The following SGCZ variants were observed in gnomAD, a reference collection of about 807,000 sequenced individuals.
SGCZ encodes sarcoglycan zeta, also known as zeta-sarcoglycan.
Under a neutral mutation model 41.3 loss-of-function variants are expected in SGCZ, and 40 were observed. That is an observed-to-expected ratio of 0.97 (90% CI 0.75 to 1.26). SGCZ has a LOEUF of 1.26. Ranked by LOEUF, SGCZ falls within the 50% of genes most tolerant of loss-of-function variation. The pLI, the probability that SGCZ is intolerant of heterozygous loss-of-function variation, is 0.00. For missense variants in SGCZ, 552 were observed against 369.8 expected (o/e 1.49, Z -4.04); for synonymous variants, 206 against 137.5 (o/e 1.50, Z -3.49).
At chr8:14,963,917 T>C (rs1429267865) in intron 1 of SGCZ, among the ~76,000 whole-genome samples, 1 of 152,210 alleles carries the variant, frequency 6.6e-6, no homozygotes, top group African/African-American at 2.4e-5. Flanking sequence ...ATGATTTTTT[T>C]ATCCCAGAAA....
intron 2 of SGCZ, among the ~76,000 whole-genome samples, chr8:14,366,507 G>T (rs1803712774): frequency 6.6e-6 from 1 of 151,944 alleles, no homozygotes; most frequent in Non-Finnish European, 1.5e-5. Flanking sequence ...TGGTGGGGGG[G>T]ACACAAAGTA....
At chr8:14,596,965 TG>T in intron 1 of SGCZ, among the ~76,000 whole-genome samples, 1 of 152,144 alleles carries the variant, frequency 6.6e-6, no homozygotes, top group African/African-American at 2.4e-5. Flanking sequence ...CATCAACCTT[TG>T]GGGAACCCTG....
In SGCZ at chr8:14,760,702, G is replaced by A. The variant is rs188668419; in HGVS notation, c.40-205776C>T. Reference sequence around the variant, plus strand: ...CCTATATTCTGTGAAAAGAACACTGGATAAATATCCTCTAAAAATACATAG... The same window carrying A: ...CCTATATTCTGTGAAAAGAACACTGAATAAATATCCTCTAAAAATACATAG... On this transcript the variant is annotated intron_variant, in intron 1 of 7. Coordinates refer to ENST00000382080, the MANE Select transcript of SGCZ (RefSeq NM_139167.4). Among the ~76,000 whole-genome samples, 4 of 152,200 alleles carry A rather than the reference G, an allele frequency of 2.6e-5. No individual in the cohort carries two copies. In the East Asian group the frequency reaches 7.7e-4, roughly 29 times the overall value.
intron 1 of SGCZ, 57 bp from the exon 2 acceptor site, chr8:14,554,983 A>T: frequency 6.8e-7 from 1 of 1,461,860 alleles, no homozygotes; most frequent in Non-Finnish European, 9.2e-7. Flanking sequence ...GCATTAAAAA[A>T]AATAAACCCA....
At chr8:14,966,967 C>A (rs1264043036) in intron 1 of SGCZ, among the ~76,000 whole-genome samples, 2 of 152,102 alleles carry the variant, frequency 1.3e-5, no homozygotes, top group African/African-American at 4.8e-5. Context: ...ACCTTCCATT[C>A]TCTCCCAGTT....
At chr8:14,539,767 G>C (rs1803403659) in intron 2 of SGCZ, among the ~76,000 whole-genome samples, 1 of 151,824 alleles carries the variant, frequency 6.6e-6, no homozygotes, top group Non-Finnish European at 1.5e-5. Context: ...ACATGATTTA[G>C]CTCCTATTTA....
At chr8:15,100,364 C>A (rs1466691363) in intron 1 of SGCZ, among the ~76,000 whole-genome samples, 3 of 152,066 alleles carry the variant, frequency 2.0e-5, no homozygotes, top group Non-Finnish European at 2.9e-5. Flanking sequence ...ATTACACACA[C>A]ATCAAAGAAA....
Position 14,793,048 on chromosome 8 carries a change from C to A in SGCZ, c.40-238122G>T, listed in dbSNP as rs118107489. ...ATTACAATATAAAAGATACTAAATA[C>A]AATATGTGATCTATCTCCACCATGT... On this transcript the variant is annotated intron_variant, in intron 1 of 7. Transcript: ENST00000382080. Among the ~76,000 whole-genome samples the A allele has an allele frequency of 4.1e-3, 617 of 152,258 alleles. 5 individuals are homozygous for A. Among genetic ancestry groups the A allele is most frequent in the Middle Eastern group, 0.01 (3 of 294 alleles).
intron 1 of SGCZ, among the ~76,000 whole-genome samples, chr8:14,926,606 AG>A (rs1341004566): frequency 1.4e-5 from 2 of 146,152 alleles, no homozygotes; most frequent in Non-Finnish European, 3.0e-5. Flanking sequence ...CTCAGTAGAC[AG>A]TTTTTTGTTT....
At chr8:14,103,424 AGAG>A (rs1563128176) in intron 6 of SGCZ, among the ~76,000 whole-genome samples, 1 of 152,148 alleles carries the variant, frequency 6.6e-6, no homozygotes, top group East Asian at 1.9e-4. Context: ...CAGGACTTTA[AGAG>A]GAGGGTCCCC....
intron 1 of SGCZ, among the ~76,000 whole-genome samples, chr8:14,990,366 C>A (rs911402726): frequency 6.8e-6 from 1 of 146,092 alleles, no homozygotes; most frequent in Non-Finnish European, 1.5e-5. Flanking sequence ...AGGAACCAGG[C>A]CGCATAGGAG....
At chr8:14,612,130 T>G (rs1215822005) in intron 1 of SGCZ, among the ~76,000 whole-genome samples, 1 of 152,182 alleles carries the variant, frequency 6.6e-6, no homozygotes, top group Non-Finnish European at 1.5e-5. Context: ...TTCTTTTTTA[T>G]TTTTTCCTAT....
chr8:14,094,219 T>C (rs1801774656), intron 7 of SGCZ, among the ~76,000 whole-genome samples: 1 of 152,110 alleles, frequency 6.6e-6, no homozygotes, highest in Admixed American at 6.6e-5. Context: ...GGTATTCATG[T>C]GCCATGGTGG....
intron 1 of SGCZ, among the ~76,000 whole-genome samples, chr8:14,935,179 T>C (rs1340410122): frequency 6.6e-6 from 1 of 151,790 alleles, no homozygotes; most frequent in East Asian, 1.9e-4. Context: ...TAATGTCTTA[T>C]TAAAAGATAT....
intron 1 of SGCZ, among the ~76,000 whole-genome samples, chr8:15,214,595 G>A (rs527753154): frequency 6.6e-5 from 10 of 152,064 alleles, no homozygotes; most frequent in African/African-American, 2.4e-4. Context: ...AGAATATTTT[G>A]TCATGCTAGA....
At chr8:14,303,807 A>G (rs1801267531) in intron 3 of SGCZ, among the ~76,000 whole-genome samples, 1 of 152,106 alleles carries the variant, frequency 6.6e-6, no homozygotes, top group African/African-American at 2.4e-5. Context: ...GCTGGAGTGA[A>G]GTGGCGCGAT....
intron 2 of SGCZ, among the ~76,000 whole-genome samples, chr8:14,551,574 A>G (rs868460182): frequency 4.5e-5 from 1 of 22,348 alleles, no homozygotes; most frequent in Non-Finnish European, 6.9e-5. Context: ...TATATAATAT[A>G]TATATAATAT....
At chr8:14,127,475 A>T (rs1374148017) in intron 5 of SGCZ, among the ~76,000 whole-genome samples, 1 of 151,764 alleles carries the variant, frequency 6.6e-6, no homozygotes, top group African/African-American at 2.4e-5. Flanking sequence ...TATTTTTTTG[A>T]TACTGAGTCT....
intron 1 of SGCZ, among the ~76,000 whole-genome samples, chr8:14,727,776 T>A (rs1585213429): frequency 6.6e-6 from 1 of 152,156 alleles, no homozygotes; most frequent in Non-Finnish European, 1.5e-5. Flanking sequence ...CCTCCCAAAG[T>A]GCTGGGCGTG....
Sources: gnomAD v4.1 joint callset for allele counts (sites outside exome capture counted in the v4.1 genomes callset) on GRCh38, gnomAD v4.1.1 for gene constraint, MANE v1.5 for transcripts, NCBI Gene and HGNC (gene_info 2026-07-23, HGNC 2026-07-21) for gene names.